Variants in EPB41L3 observed in about 807,000 individuals in gnomAD.
EPB41L3 encodes the protein erythrocyte membrane protein band 4.1 like 3, also known as band 4.1-like protein 3.
A neutral mutation model predicts 127.1 loss-of-function variants in EPB41L3; 57 were observed. The observed-to-expected ratio is 0.45, with a 90% CI of 0.36 to 0.56. The LOEUF (loss-of-function observed/expected upper bound fraction) is 0.56. Among genes scored for constraint, EPB41L3 ranks in the 20% least tolerant of loss-of-function variants. The probability of loss-of-function intolerance (pLI) is 0.00; values close to 1 mark genes in which losing one functional copy is unlikely to be tolerated. For missense variants in EPB41L3, 1,273 were observed against 1,372.2 expected (o/e 0.93, Z 1.14); for synonymous variants, 572 against 549.5 (o/e 1.04, Z -0.57).
chr18:5,598,414 A>T (rs1370160965), intron 3 of EPB41L3, among the ~76,000 whole-genome samples: 2 of 152,194 alleles, frequency 1.3e-5, no homozygotes, highest in Admixed American at 6.5e-5. Flanking sequence ...CTTTTCATAA[A>T]AGTATGTCAT....
At chr18:5,471,556 A>AGTCATGTACAG (rs2086146018) in intron 3 of EPB41L3, among the ~76,000 whole-genome samples, 1 of 152,218 alleles carries the variant, frequency 6.6e-6, no homozygotes, top group Admixed American at 6.5e-5. Context: ...TTCCGCATTA[A>AGTCATGTACAG]ACCAGTAAGT....
At chr18:5,468,087 G>A (rs2085341981) in intron 3 of EPB41L3, among the ~76,000 whole-genome samples, 2 of 152,210 alleles carry the variant, frequency 1.3e-5, no homozygotes, top group South Asian at 2.1e-4. Flanking sequence ...CCAGGCAGGT[G>A]TACATGCACT....
chr18:5,608,327 C>T (rs1435616485), intron 3 of EPB41L3, among the ~76,000 whole-genome samples: 1 of 152,104 alleles, frequency 6.6e-6, no homozygotes, highest in African/African-American at 2.4e-5. Context: ...TTATGCCATA[C>T]AGCTAGCAAC....
At chr18:5,433,617 T>C in intron 7 of EPB41L3, 61 bp from the exon 8 acceptor site, 2 of 1,435,302 alleles carry the variant, frequency 1.4e-6, no homozygotes, top group Non-Finnish European at 1.9e-6. Flanking sequence ...GCTGCAATAT[T>C]TCCCACTTAG....
chr18:5,398,220 T>C, intron 16 of EPB41L3, 77 bp from the exon 17 acceptor site: 1 of 1,565,134 alleles, frequency 6.4e-7, no homozygotes, highest in South Asian at 1.2e-5. Flanking sequence ...CACAGCTTGT[T>C]AGACAAAATC....
chr18:5,561,421 A>G (rs2094134722), intron 3 of EPB41L3, among the ~76,000 whole-genome samples: 1 of 152,208 alleles, frequency 6.6e-6, no homozygotes, highest in Non-Finnish European at 1.5e-5. Flanking sequence ...CTAATGGCCA[A>G]GATTGAAGAA....
intron 3 of EPB41L3, among the ~76,000 whole-genome samples, chr18:5,464,020 C>T (rs551238693): frequency 1.6e-4 from 25 of 152,194 alleles, no homozygotes; most frequent in African/African-American, 6.0e-4. Flanking sequence ...CATTTCCTGC[C>T]CATGGGTCCC....
chr18:5,457,586 T>C (rs1469237571), intron 3 of EPB41L3, among the ~76,000 whole-genome samples: 1 of 152,160 alleles, frequency 6.6e-6, no homozygotes, highest in Non-Finnish European at 1.5e-5. Context: ...GAAAGCTATA[T>C]GACAACATCA....
chr18:5,479,990 T>G (rs985776947), intron 2 of EPB41L3: 3 of 152,238 alleles, frequency 2.0e-5, no homozygotes, highest in Admixed American at 6.5e-5. Context: ...ACACAAATTA[T>G]GAACATTTAA....
intron 1 of EPB41L3, among the ~76,000 whole-genome samples, chr18:5,523,422 A>G (rs1367721152): frequency 1.3e-5 from 2 of 152,258 alleles, no homozygotes; most frequent in East Asian, 3.8e-4. Flanking sequence ...ATCTGATATA[A>G]AAATTTACAT....
At position 5,410,830 on chromosome 18, in the gene EPB41L3, A is replaced by AT. The variant is rs2076108906; in HGVS notation, c.2068-212dup. 2.6e-5 allele frequency among the ~76,000 whole-genome samples: 4 copies of AT among 152,270 alleles called. No homozygotes were observed. The South Asian group carries it at 8.3e-4, about 32-fold the overall frequency. ...TCATCAACAGAGCCAACTCATAGGA[A>AT]TACCTGAGGCACACTCAGCCTGCAG... On this transcript the variant is annotated intron_variant, in intron 13 of 22. Coordinates refer to ENST00000341928, the MANE Select transcript of EPB41L3 (RefSeq NM_012307.5).
chr18:5,590,990 G>T (rs776360130), intron 3 of EPB41L3, among the ~76,000 whole-genome samples: 1 of 152,084 alleles, frequency 6.6e-6, no homozygotes, highest in Non-Finnish European at 1.5e-5. Flanking sequence ...GATTGTGCTG[G>T]TGATCTCACA....
chr18:5,407,770 C>T, intron 14 of EPB41L3, 34 bp from the exon 15 acceptor site: 3 of 1,608,520 alleles, frequency 1.9e-6, no homozygotes, highest in South Asian at 1.1e-5. Flanking sequence ...GAAATAAAGT[C>T]TTACATGCAA....
chr18:5,545,097 T>C (rs1164249451), upstream of EPB41L3, among the ~76,000 whole-genome samples: 3 of 152,156 alleles, frequency 2.0e-5, no homozygotes, highest in Non-Finnish European at 4.4e-5. Flanking sequence ...ACCCCTCTAC[T>C]TGTGGCAAGA....
At chr18:5,614,741 C>T (rs1460393339) in intron 1 of EPB41L3, among the ~76,000 whole-genome samples, 6 of 152,046 alleles carry the variant, frequency 3.9e-5, no homozygotes, top group South Asian at 2.1e-4. Context: ...AACATTAATG[C>T]GCTATGATTA....
At chr18:5,451,357 C>T (rs1366079477) in intron 3 of EPB41L3, among the ~76,000 whole-genome samples, 1 of 152,220 alleles carries the variant, frequency 6.6e-6, no homozygotes, top group African/African-American at 2.4e-5. Flanking sequence ...TAATGATGCT[C>T]TCAATGTCCC....
chr18:5,421,159 A>C (rs1210310574), intron 11 of EPB41L3, among the ~76,000 whole-genome samples: 2 of 152,198 alleles, frequency 1.3e-5, no homozygotes, highest in Non-Finnish European at 2.9e-5. Context: ...AGGGAGAAAG[A>C]GACAGCATGA....
intron 1 of EPB41L3, among the ~76,000 whole-genome samples, chr18:5,491,427 A>C (rs370042000): frequency 5.9e-5 from 9 of 152,256 alleles, no homozygotes; most frequent in African/African-American, 2.2e-4. Context: ...TTATCAGCCT[A>C]GTCGGGAAAC....
rs2093802946 is a variant in EPB41L3 at position 5,543,431 on chromosome 18, C to T, written c.-12+482G>A. The T allele has an allele frequency of 6.8e-6, 1 of 146,980 alleles. No individual in the cohort carries two copies. The allele number at this position is 146,980 out of a possible 1,614,324, so 9.1% of individuals were successfully genotyped here. ...CAGCCGCCACCCGCCCGGGCGGCGC[C>T]GCAGTGTCGCCCCCTGTCCCCCGCA... is the stretch of plus-strand genomic sequence containing the variant. On this transcript the variant is annotated intron_variant, in intron 1 of 22. Transcript: ENST00000341928. This position sits in a 1 kb window ranked among gnomAD's most constrained non-coding sequence, Gnocchi z 5.2.
Sources: gnomAD v4.1 joint callset for allele counts (sites outside exome capture counted in the v4.1 genomes callset) on GRCh38, gnomAD v4.1.1 for gene constraint, Gnocchi (gnomAD v3.1) non-coding constraint, MANE v1.5 for transcripts, NCBI Gene and HGNC (gene_info 2026-07-23, HGNC 2026-07-21) for gene names.